NBEA: variants seen among roughly 807,000 people sequenced by gnomAD.
NBEA encodes lysosomal-trafficking regulator 2.
Under a neutral mutation model 343.4 loss-of-function variants are expected in NBEA, and 44 were observed. The observed-to-expected ratio is 0.13, with a 90% confidence interval of 0.10 to 0.16. The LOEUF (loss-of-function observed/expected upper bound fraction) is 0.16, where lower values mean the gene tolerates loss of function less well. NBEA is among the 10% of genes least tolerant of loss of function. The pLI is 1.00. For synonymous variants in NBEA, 1,175 were observed against 1,238.7 expected, an observed-to-expected ratio of 0.95 and a Z score of 1.08; for missense variants, 2,555 against 3,631.3, an observed-to-expected ratio of 0.70 and a Z score of 7.62.
intron 1 of NBEA, among the ~76,000 whole-genome samples, chr13:35,018,017 C>A (rs1378308666): frequency 3.3e-5 from 5 of 152,102 alleles, no homozygotes; most frequent in African/African-American, 7.2e-5. Context: ...TGTCTCACAT[C>A]AATTGATCAT....
At chr13:35,210,797 TG>T (rs1380272357) in intron 32 of NBEA, among the ~76,000 whole-genome samples, 1 of 152,182 alleles carries the variant, frequency 6.6e-6, no homozygotes, top group African/African-American at 2.4e-5. Flanking sequence ...CATTTCTTGA[TG>T]TTTTTTATTT....
intron 1 of NBEA, among the ~76,000 whole-genome samples, chr13:35,009,246 G>A (rs1438996418): frequency 6.6e-6 from 1 of 152,148 alleles, no homozygotes; most frequent in Non-Finnish European, 1.5e-5. Flanking sequence ...CTCTCCCACA[G>A]GTTACATTTT....
chr13:35,475,496 A>C (rs1294186130), intron 41 of NBEA: 1 of 1,611,426 alleles, frequency 6.2e-7, no homozygotes, highest in Non-Finnish European at 8.5e-7. Context: ...AAGGAGTGGC[A>C]CTCCTTGGAC....
At chr13:35,110,034 T>C (rs1593374345) in intron 12 of NBEA, among the ~76,000 whole-genome samples, 2 of 98,824 alleles carry the variant, frequency 2.0e-5, no homozygotes, top group African/African-American at 3.8e-5. Flanking sequence ...TTGACAACTC[T>C]TTTTTTTTTT....
chr13:35,238,756 A>G (rs2075350298), intron 34 of NBEA, among the ~76,000 whole-genome samples: 1 of 152,166 alleles, frequency 6.6e-6, no homozygotes, highest in Admixed American at 6.5e-5. Context: ...AATTTCACTG[A>G]AGGGTCCACT....
chr13:35,536,786 G>A (rs1005092457), intron 41 of NBEA, among the ~76,000 whole-genome samples: 7 of 152,140 alleles, frequency 4.6e-5, no homozygotes, highest in Non-Finnish European at 8.8e-5. Context: ...GTGATCCTTG[G>A]TTTGTCCTAA....
At chr13:35,275,081 G>A (rs1380468245) in intron 34 of NBEA, among the ~76,000 whole-genome samples, 1 of 152,168 alleles carries the variant, frequency 6.6e-6, no homozygotes, top group Non-Finnish European at 1.5e-5. Context: ...AAAGGTGGAG[G>A]CATCATGCTA....
At chr13:35,100,103 G>A (rs2065564751) in intron 11 of NBEA, among the ~76,000 whole-genome samples, 1 of 151,882 alleles carries the variant, frequency 6.6e-6, no homozygotes, top group Admixed American at 6.6e-5. Flanking sequence ...ACCTCCAATT[G>A]TTTTACATTT....
In NBEA at chr13:35,282,038, G is replaced by A. The variant is rs193123249; in HGVS notation, c.5777-8351G>A. On this transcript the variant is annotated intron_variant, in intron 34 of 58. Transcript: ENST00000379939. The stretch of plus-strand genomic sequence containing the variant: ...CTCCATTCTCCTGCCTCAGTCTCCC[G>A]AGTAGCTGAGACTACAGGCGCCTGC... Among the ~76,000 whole-genome samples, 385 of 151,406 alleles carry A rather than the reference G, an allele frequency of 2.5e-3. 2 individuals carry two copies. Among genetic ancestry groups the A allele is most frequent in the Middle Eastern group, 0.017 (5 of 292 alleles).
intron 7 of NBEA, among the ~76,000 whole-genome samples, chr13:35,058,104 T>C (rs1223745723): frequency 1.3e-5 from 2 of 152,048 alleles, no homozygotes; most frequent in Admixed American, 6.6e-5. Flanking sequence ...TTTTGGCTTC[T>C]TCAGTGCTGA....
chr13:35,445,686 T>C (rs948843341), intron 39 of NBEA, among the ~76,000 whole-genome samples: 8 of 150,776 alleles, frequency 5.3e-5, no homozygotes, highest in African/African-American at 1.5e-4. Flanking sequence ...CATTTTGACA[T>C]GTGAAATTAA....
At chr13:35,387,973 A>G (rs745313479) in intron 38 of NBEA, among the ~76,000 whole-genome samples, 1 of 152,182 alleles carries the variant, frequency 6.6e-6, no homozygotes, top group Non-Finnish European at 1.5e-5. Context: ...TAATAGAGGA[A>G]AATCTTTCCC....
chr13:35,667,709 C>A, intron 57 of NBEA, 139 bp downstream of exon 57: 1 of 776,640 alleles, frequency 1.3e-6, no homozygotes. Context: ...TAACTTCTTG[C>A]GGACTGGTAC....
rs1413643335 is a variant in NBEA, at chr13:35,091,365, G to A, written c.1572-6932G>A. On this transcript the variant is annotated intron_variant, in intron 10 of 58. Coordinates refer to ENST00000379939, the MANE Select transcript of NBEA (RefSeq NM_001385012.1). ...CATGGAAAGGGAAGAACATGAGAAA[G>A]TAACCCTGTAAAATTTTTTAATGAA... Among the ~76,000 whole-genome samples, 4 of 151,978 alleles carry A rather than the reference G, an allele frequency of 2.6e-5. No homozygotes were observed. In the East Asian group the frequency reaches 7.7e-4, roughly 29 times the overall value.
At chr13:35,155,346 G>T (rs1292553410) in intron 18 of NBEA, among the ~76,000 whole-genome samples, 1 of 152,020 alleles carries the variant, frequency 6.6e-6, no homozygotes, top group East Asian at 1.9e-4. Flanking sequence ...CTTTAGGGCT[G>T]GGCATGGTGG....
chr13:35,440,310 A>G lies in NBEA; in HGVS notation c.6304+7917A>G, dbSNP rs547002835. Among the ~76,000 whole-genome samples, 94 of 152,280 alleles carry G rather than the reference A, an allele frequency of 6.2e-4. 1 individual carries two copies. Among genetic ancestry groups the G allele is most frequent in the African/African-American group, 2.1e-3 (87 of 41,546 alleles). On this transcript the variant is annotated intron_variant, in intron 39 of 58. Coordinates refer to ENST00000379939, the MANE Select transcript of NBEA (RefSeq NM_001385012.1). ...GGATGGTATTTCCAAATCATTTCTG[A>G]CTGTCATGGAACTAATTTAGATCAT... is the stretch of plus-strand genomic sequence containing the variant.
At chr13:35,269,150 C>G (rs571305180) in intron 34 of NBEA, among the ~76,000 whole-genome samples, 1 of 152,064 alleles carries the variant, frequency 6.6e-6, no homozygotes, top group East Asian at 1.9e-4. Context: ...GGTTACATAC[C>G]CATAAACTCT....
chr13:35,058,859 A>G lies in NBEA; in HGVS notation c.1235A>G (p.Tyr412Cys). Reference protein sequence around the residue: ...IFAIHQLGPGYKSTFKFKSES... With the variant: ...IFAIHQLGPGCKSTFKFKSES... ...GCAATTCATCAGTTAGGACCTGGAT[A>G]TAAGGTAGTAATAACTGTAATTTTA... Residue 412 changes from tyrosine (Y) to cysteine (C), a missense_variant, in exon 8 of 59, where the codon TAT becomes TGT. By Grantham distance (194) the Tyr-to-Cys change is radical. Around this residue, in one of 21 missense-constraint regions of NBEA, gnomAD observed 75 missense variants for 237.4 expected, o/e 0.32. Coordinates refer to ENST00000379939, the MANE Select transcript of NBEA (RefSeq NM_001385012.1). 1 of 1,597,072 alleles carries G rather than the reference A, an allele frequency of 6.3e-7. No individual in the cohort carries two copies. Among genetic ancestry groups the G allele is most frequent in the Non-Finnish European group, 8.5e-7 (1 of 1,171,994 alleles).
chr13:35,250,840 T>G (rs2031865758), intron 34 of NBEA, among the ~76,000 whole-genome samples: 1 of 152,214 alleles, frequency 6.6e-6, no homozygotes, highest in Admixed American at 6.5e-5. Context: ...AAAATGATAT[T>G]TACCATAAAA....
Sources: allele counts gnomAD v4.1 joint callset (sites outside exome capture counted in the v4.1 genomes callset), GRCh38; gene constraint gnomAD v4.1.1; regional missense constraint gnomAD v4.1.1; transcripts MANE v1.5; gene names NCBI Gene and HGNC (gene_info 2026-07-23, HGNC 2026-07-21).